Variants in OSGIN2 observed in about 807,000 individuals in gnomAD.
The protein encoded by OSGIN2 is oxidative stress-induced growth inhibitor 2.
Under a neutral mutation model 53.8 loss-of-function variants are expected in OSGIN2, and 19 were observed. That is an observed-to-expected ratio of 0.35 (90% CI 0.25 to 0.52). The LOEUF (loss-of-function observed/expected upper bound fraction) is 0.52, where lower values mean the gene tolerates loss of function less well. Among genes scored for constraint, OSGIN2 ranks in the 20% least tolerant of loss-of-function variants. The pLI is 0.95. For synonymous variants in OSGIN2, 236 were observed against 236.0 expected (o/e 1.00, Z 0.00); for missense variants, 520 against 662.7 (o/e 0.78, Z 2.36).
rs889846995 is a variant in OSGIN2, at chr8:89,925,572, A to C, written c.*40A>C. The C allele has an allele frequency of 1.3e-6, 2 of 1,513,170 alleles. No individual in the cohort carries two copies. Among genetic ancestry groups the C allele is most frequent in the Non-Finnish European group, 1.8e-6 (2 of 1,108,144 alleles). The allele number at this position is 1,513,170 out of a possible 1,614,324, so 93.7% of individuals were successfully genotyped here. A position where few individuals can be genotyped will look rare whatever the true frequency, so the allele number is the denominator to read the frequency against. Reference sequence around the variant, plus strand: ...TAATTAAAATGGACAGTTTGCCATTAAAGATTTTTAATAGTGGTTTTGCAG... The same window carrying C: ...TAATTAAAATGGACAGTTTGCCATTCAAGATTTTTAATAGTGGTTTTGCAG... On this transcript the variant is annotated 3_prime_UTR_variant, in exon 6 of 6. Transcript: ENST00000451899.
At chr8:89,902,311 G>A (rs954361047), upstream of OSGIN2, among the ~76,000 whole-genome samples, 6 of 152,180 alleles carry the variant, frequency 3.9e-5, no homozygotes, top group African/African-American at 7.2e-5. Flanking sequence ...GCACGCAGAG[G>A]GGCGGCGGGG....
Position 89,925,621 on chromosome 8 carries a change from CTTGAG to C in OSGIN2, c.*92_*96del, listed in dbSNP as rs535181493. 167 of 927,310 alleles carry C rather than the reference CTTGAG, an allele frequency of 1.8e-4. 1 individual carries two copies. In the African/African-American group the frequency reaches 2.1e-3, roughly 12 times the overall value. The allele number at this position is 927,310 out of a possible 1,614,324, so 57.4% of individuals were successfully genotyped here. On this transcript the variant is annotated 3_prime_UTR_variant, in exon 6 of 6. Coordinates refer to ENST00000451899, the MANE Select transcript of OSGIN2 (RefSeq NM_001126111.3). The stretch of plus-strand genomic sequence containing the variant: ...AGTGTACTGGCTTGAATTTTCTGGA[CTTGAG>C]TTAACTGAAGGAGAGCCTCAAACTA...
At chr8:89,922,939 G>A (rs1366280471) in intron 5 of OSGIN2, among the ~76,000 whole-genome samples, 3 of 151,940 alleles carry the variant, frequency 2.0e-5, no homozygotes, top group African/African-American at 7.3e-5. Context: ...AAGTATTTTT[G>A]TATCTAAATA....
chr8:89,906,743 A>C (rs1007616923), intron 1 of OSGIN2, among the ~76,000 whole-genome samples: 2 of 152,138 alleles, frequency 1.3e-5, no homozygotes, highest in Admixed American at 6.5e-5. Context: ...GTGAATGTAC[A>C]CGTGCATTTG....
At position 89,927,776 on chromosome 8, in the gene OSGIN2, CT is replaced by C. The variant is rs1326599070; in HGVS notation, c.*2245del. ...CAACTACTTTTTTGAAAATCTAGTT[CT>C]ATGTAATATATTTCTGTGGCATCAA... is the stretch of plus-strand genomic sequence containing the variant. On this transcript the variant is annotated 3_prime_UTR_variant, in exon 6 of 6. Coordinates refer to ENST00000451899, the MANE Select transcript of OSGIN2 (RefSeq NM_001126111.3). 6.6e-6 allele frequency: 1 copy of C among 152,102 alleles called. No homozygotes were observed. The allele number at this position is 152,102 out of a possible 1,614,324, so 9.4% of individuals were successfully genotyped here.
At chr8:89,914,378 C>T (rs1383713211) in intron 3 of OSGIN2, among the ~76,000 whole-genome samples, 165 bp downstream of exon 3, 1 of 152,058 alleles carries the variant, frequency 6.6e-6, no homozygotes, top group African/African-American at 2.4e-5. Flanking sequence ...TGTTTATTTT[C>T]TTGAATTTAT....
At position 89,914,131 on chromosome 8, in the gene OSGIN2, A is replaced by G; in HGVS notation, c.254A>G (p.Tyr85Cys). The G allele has an allele frequency of 6.2e-7, 1 of 1,606,050 alleles. No homozygotes were observed. The highest frequency in any genetic ancestry group is 8.5e-7 in the Non-Finnish European group (1 of 1,173,030). ...LSYMLSGYRP[Y>C]LSSEAIHPNT... The stretch of plus-strand genomic sequence containing the variant: ...TATATGTTATCAGGCTACAGACCGT[A>G]TTTATCATCAGAAGCAATACACCCA... The change falls in exon 3 of 6, where the codon TAT (tyrosine) becomes TGT (cysteine). Residue 85 changes from tyrosine to cysteine, a missense_variant. Tyr to Cys is a radical substitution (Grantham distance 194). This residue lies in a region of OSGIN2 where 203 missense variants were observed against 275.3 expected (regional missense o/e 0.74). Transcript: ENST00000451899.
At chr8:89,916,601 C>G (rs557800956) in intron 4 of OSGIN2, among the ~76,000 whole-genome samples, 1 of 152,078 alleles carries the variant, frequency 6.6e-6, no homozygotes, top group Non-Finnish European at 1.5e-5. Context: ...GACGTAAACT[C>G]CTTGAGTCAT....
At chr8:89,922,887 T>C (rs2130713722) in intron 5 of OSGIN2, among the ~76,000 whole-genome samples, 1 of 152,264 alleles carries the variant, frequency 6.6e-6, no homozygotes, top group East Asian at 1.9e-4. Flanking sequence ...CAGTACAGCA[T>C]GTTGCTGTAC....
intron 2 of OSGIN2, 61 bp from the exon 3 acceptor site, chr8:89,914,016 G>A (rs1809024433): frequency 1.4e-6 from 2 of 1,442,492 alleles, no homozygotes; most frequent in Non-Finnish European, 1.9e-6. Context: ...TAGGACAAAA[G>A]CCAAGGAACA....
At chr8:89,902,881 C>G in intron 1 of OSGIN2, 44 bp downstream of exon 1, 1 of 1,306,252 alleles carries the variant, frequency 7.7e-7, no homozygotes, top group Non-Finnish European at 1.0e-6. Context: ...GCGGGGATGC[C>G]GCGCTCTCGA....
chr8:89,907,305 T>C (rs921559189), intron 1 of OSGIN2, among the ~76,000 whole-genome samples: 8 of 152,142 alleles, frequency 5.3e-5, no homozygotes, highest in Admixed American at 4.6e-4. Flanking sequence ...TTGTTGCAAT[T>C]GCCTTTGGCG....
At chr8:89,909,037 A>AAAAAAAAAAAAATATAT (rs1554550040) in intron 1 of OSGIN2, among the ~76,000 whole-genome samples, 1 of 84,902 alleles carries the variant, frequency 1.2e-5, no homozygotes, top group African/African-American at 7.2e-5. Flanking sequence ...AAAAAAAAAA[A>AAAAAAAAAAAAATATAT]ATATATATAT....
intron 4 of OSGIN2, among the ~76,000 whole-genome samples, chr8:89,920,316 C>T (rs969612749): frequency 1.3e-5 from 2 of 152,030 alleles, no homozygotes; most frequent in Non-Finnish European, 2.9e-5. Context: ...TAATAATATG[C>T]CCCATTTTCA....
At position 89,925,138 on chromosome 8, in the gene OSGIN2, A is replaced by ATACCAGCTT; in HGVS notation, c.1258_1266dup (p.Thr420_Phe422dup). 6.2e-7 allele frequency: 1 copy of ATACCAGCTT among 1,614,136 alleles called. No individual in the cohort carries two copies. Among genetic ancestry groups the ATACCAGCTT allele is most frequent in the Non-Finnish European group, 8.5e-7 (1 of 1,179,968 alleles). ...GTAGACTCAAATCTTTTATCTGATT[A>ATACCAGCTT]TACCAGCTTTCCCGAGCACCGTGTG... On this transcript the variant is annotated inframe_insertion, in exon 6 of 6. Transcript: ENST00000451899.
In OSGIN2 at chr8:89,909,547, C is replaced by CT; in HGVS notation, c.45-20_45-19insT. On this transcript the variant is annotated intron_variant, in intron 1 of 5. Coordinates refer to ENST00000451899, the MANE Select transcript of OSGIN2 (RefSeq NM_001126111.3). ...ATATTGACTATATCTCTTTTTATTC[C>CT]CCCTTTTTTTTTTTTAAAGAAACTA... 7.7e-7 allele frequency: 1 copy of CT among 1,290,900 alleles called. No homozygotes were observed. Among genetic ancestry groups the CT allele is most frequent in the Non-Finnish European group, 1.1e-6 (1 of 950,618 alleles). The allele number at this position is 1,290,900 out of a possible 1,614,324, so 80.0% of individuals were successfully genotyped here.
chr8:89,924,613 C>A lies in OSGIN2; in HGVS notation c.731C>A (p.Ser244Tyr), dbSNP rs753432948. 6.2e-7 allele frequency: 1 copy of A among 1,613,800 alleles called. No individual in the cohort carries two copies. The highest frequency in any genetic ancestry group is 8.5e-7 in the Non-Finnish European group (1 of 1,179,748). Residue 244 changes from serine (S) to tyrosine (Y), a missense_variant, in exon 6 of 6, where the codon TCC becomes TAC. By Grantham distance (144) the Ser-to-Tyr change is moderately radical (BLOSUM62 -2). Coordinates refer to ENST00000451899, the MANE Select transcript of OSGIN2 (RefSeq NM_001126111.3). ...TTCAGAGAGAATACTTACATAACTT[C>A]CGTATCAAGACTCTACAGAGATCAA... Reference protein sequence around the residue: ...KNFRENTYITSVSRLYRDQDD... With the variant: ...KNFRENTYITYVSRLYRDQDD...
Position 89,909,639 on chromosome 8 carries a change from G to A in OSGIN2, c.117G>A (p.Gly39=). Residue 39 remains glycine, a synonymous_variant, in exon 2 of 6, where the codon GGG becomes GGA. Coordinates refer to ENST00000451899, the MANE Select transcript of OSGIN2 (RefSeq NM_001126111.3). The part of the protein sequence containing the change: ...SLVQYFGDNL[G]RKVKAMPLVE... ...TGCAATACTTTGGTGACAACTTGGG[G>A]CGAAAAGTTAAAGCGATGCCATTAG... 3 of 1,610,704 alleles carry A rather than the reference G, an allele frequency of 1.9e-6. No homozygotes were observed.
intron 4 of OSGIN2, among the ~76,000 whole-genome samples, chr8:89,915,730 A>G (rs557571759): frequency 6.6e-6 from 1 of 152,334 alleles, no homozygotes; most frequent in East Asian, 1.9e-4. Context: ...TTTTTAGTAC[A>G]AACTTCGGTT....
Sources: gnomAD v4.1 joint callset for allele counts (sites outside exome capture counted in the v4.1 genomes callset) on GRCh38, gnomAD v4.1.1 for gene constraint, gnomAD v4.1.1 regional missense constraint, MANE v1.5 for transcripts, NCBI Gene and HGNC (gene_info 2026-07-23, HGNC 2026-07-21) for gene names.